FSTL5: variants seen among roughly 807,000 people sequenced by gnomAD.
FSTL5 encodes follistatin like 5, also known as follistatin-related protein 5.
In FSTL5, 62 loss-of-function variants were observed where a neutral mutation model predicts 89.1. That is an observed-to-expected ratio of 0.70 (90% CI 0.57 to 0.86). FSTL5 has a LOEUF of 0.86. FSTL5 is among the 40% of genes least tolerant of loss of function. The probability of loss-of-function intolerance (pLI) is 0.00; values close to 1 mark genes in which losing one functional copy is unlikely to be tolerated. For missense variants in FSTL5, 1,057 were observed against 1,001.6 expected (o/e 1.06, Z -0.75); for synonymous variants, 383 against 346.2 (o/e 1.11, Z -1.18).
intron 6 of FSTL5, among the ~76,000 whole-genome samples, chr4:161,734,218 A>T (rs1188655892): frequency 6.6e-6 from 1 of 152,140 alleles, no homozygotes; most frequent in East Asian, 1.9e-4. Flanking sequence ...TGGGATTTTA[A>T]ATAAAAAAAT....
At chr4:161,764,967 T>C (rs1740943978) in intron 5 of FSTL5, among the ~76,000 whole-genome samples, 1 of 152,226 alleles carries the variant, frequency 6.6e-6, no homozygotes, top group Non-Finnish European at 1.5e-5. Flanking sequence ...ATTTTGTAAT[T>C]GTAGCTTTGA....
At chr4:161,580,652 T>C (rs1733400054) in intron 8 of FSTL5, among the ~76,000 whole-genome samples, 1 of 152,186 alleles carries the variant, frequency 6.6e-6, no homozygotes, top group Non-Finnish European at 1.5e-5. Context: ...GCTGTGCTTC[T>C]TACCCACTGA....
At chr4:161,998,005 A>G (rs1736352848) in intron 3 of FSTL5, among the ~76,000 whole-genome samples, 1 of 152,172 alleles carries the variant, frequency 6.6e-6, no homozygotes, top group South Asian at 2.1e-4. Context: ...TAAAGCCACA[A>G]TGGCCTCAAA....
At chr4:161,765,546 C>T (rs7682803) in intron 5 of FSTL5, among the ~76,000 whole-genome samples, 1 of 151,964 alleles carries the variant, frequency 6.6e-6, no homozygotes, top group South Asian at 2.1e-4. Context: ...AAAAATACTT[C>T]ATTTGTAAAA....
At position 162,083,491 on chromosome 4, in the gene FSTL5, A is replaced by T. The variant is rs558963422; in HGVS notation, c.126+27780T>A. 4.9e-4 allele frequency among the ~76,000 whole-genome samples: 74 copies of T among 151,826 alleles called. 1 individual carries two copies. In the East Asian group the frequency reaches 7.2e-3, roughly 15 times the overall value. On this transcript the variant is annotated intron_variant, in intron 2 of 15. Coordinates refer to ENST00000306100, the MANE Select transcript of FSTL5 (RefSeq NM_020116.5). ...GTTAGATAAATATACGTTTTTCATTAAAAAAGTTTTTGCAAAATTACACAG... is the reference window on the plus strand; with the variant it reads ...GTTAGATAAATATACGTTTTTCATTTAAAAAGTTTTTGCAAAATTACACAG...
intron 6 of FSTL5, among the ~76,000 whole-genome samples, chr4:161,723,648 A>G (rs567381828): frequency 2.0e-5 from 3 of 152,272 alleles, no homozygotes; most frequent in South Asian, 2.1e-4. Context: ...CAATGCCAGC[A>G]AACTGAGAAG....
chr4:161,936,705 G>T (rs1734442032), intron 3 of FSTL5, among the ~76,000 whole-genome samples: 1 of 152,058 alleles, frequency 6.6e-6, no homozygotes, highest in African/African-American at 2.4e-5. Flanking sequence ...ATGCAATCCT[G>T]GTAGAAACCT....
intron 10 of FSTL5, among the ~76,000 whole-genome samples, chr4:161,535,765 T>C (rs1326187500): frequency 6.6e-6 from 1 of 152,104 alleles, no homozygotes; most frequent in Admixed American, 6.6e-5. Flanking sequence ...TAAATCATTC[T>C]ACCGAACAGA....
Position 161,538,467 on chromosome 4 carries a change from G to A in FSTL5, c.1178-167C>T, listed in dbSNP as rs574767168. ...CAAATTATTCCAGAAGCATTCAAAT[G>A]TTCATAAACTGTGCTGTCATTCTAT... On this transcript the variant is annotated intron_variant, in intron 9 of 15. Coordinates refer to ENST00000306100, the MANE Select transcript of FSTL5 (RefSeq NM_020116.5). Among the ~76,000 whole-genome samples, 102 of 152,172 alleles carry A rather than the reference G, an allele frequency of 6.7e-4. 1 individual carries two copies. Among genetic ancestry groups the A allele is most frequent in the South Asian group, 3.7e-3 (18 of 4,828 alleles).
chr4:161,752,475 T>C (rs1352114796), intron 6 of FSTL5, among the ~76,000 whole-genome samples: 5 of 152,198 alleles, frequency 3.3e-5, no homozygotes, highest in Admixed American at 3.3e-4. Context: ...TTTTCTTACA[T>C]CCAACCTCTC....
intron 3 of FSTL5, among the ~76,000 whole-genome samples, chr4:162,004,200 G>A (rs148155559): frequency 1.4e-4 from 21 of 152,144 alleles, no homozygotes; most frequent in East Asian, 9.7e-4. Context: ...AACTGTACTC[G>A]TGCTCTTCTC....
intron 15 of FSTL5, among the ~76,000 whole-genome samples, chr4:161,422,041 T>G (rs894547401): frequency 6.6e-6 from 1 of 152,078 alleles, no homozygotes; most frequent in African/African-American, 2.4e-5. Context: ...CTATGTATAT[T>G]ATATACGGCA....
intron 13 of FSTL5, among the ~76,000 whole-genome samples, chr4:161,473,605 G>T (rs1201914521): frequency 6.6e-6 from 1 of 151,858 alleles, no homozygotes; most frequent in African/African-American, 2.4e-5. Flanking sequence ...ATTAAAAAAT[G>T]TGTATATAGA....
chr4:161,675,667 A>G (rs1737275838), intron 6 of FSTL5, among the ~76,000 whole-genome samples: 1 of 151,814 alleles, frequency 6.6e-6, no homozygotes, highest in African/African-American at 2.4e-5. Flanking sequence ...TTTCTCCTGA[A>G]GGCATGCTTT....
chr4:161,968,872 T>A (rs1435822574), intron 3 of FSTL5, among the ~76,000 whole-genome samples: 1 of 151,498 alleles, frequency 6.6e-6, no homozygotes. Context: ...CCTCTTGTCA[T>A]AAAAGACCTT....
chr4:161,678,990 A>T (rs1315587857), intron 6 of FSTL5, among the ~76,000 whole-genome samples: 1 of 151,760 alleles, frequency 6.6e-6, no homozygotes, highest in African/African-American at 2.4e-5. Flanking sequence ...AACACTATGT[A>T]TGTGCTAGAT....
intron 4 of FSTL5, among the ~76,000 whole-genome samples, chr4:161,876,635 G>C (rs1732451941): frequency 6.6e-6 from 1 of 152,124 alleles, no homozygotes; most frequent in Non-Finnish European, 1.5e-5. Context: ...AGATACGTGG[G>C]AAGCTGAAAT....
At chr4:161,497,265 G>T (rs1730117206) in intron 12 of FSTL5, among the ~76,000 whole-genome samples, 1 of 151,950 alleles carries the variant, frequency 6.6e-6, no homozygotes, top group African/African-American at 2.4e-5. Context: ...AATATAAAAT[G>T]AGTTTAATTT....
chr4:162,145,186 C>A (rs1413390246), intron 1 of FSTL5, among the ~76,000 whole-genome samples: 1 of 151,096 alleles, frequency 6.6e-6, no homozygotes, highest in Non-Finnish European at 1.5e-5. Context: ...ATAAAGATAG[C>A]CATAAACATA....
Sources: gnomAD v4.1 joint callset for allele counts (sites outside exome capture counted in the v4.1 genomes callset) on GRCh38, gnomAD v4.1.1 for gene constraint, MANE v1.5 for transcripts, NCBI Gene and HGNC (gene_info 2026-07-23, HGNC 2026-07-21) for gene names.